The following MAVS variants were observed in gnomAD, a reference collection of about 807,000 sequenced individuals.
MAVS encodes mitochondrial antiviral signaling protein.
In MAVS, 20 loss-of-function variants were observed where a neutral mutation model predicts 30.2. That is an observed-to-expected ratio of 0.66 (90% CI 0.47 to 0.96). MAVS has a LOEUF of 0.96. Among genes scored for constraint, MAVS ranks in the 40% least tolerant of loss-of-function variants. The pLI is 0.00. For synonymous variants in MAVS, 278 were observed against 293.9 expected, an observed-to-expected ratio of 0.95 and a Z score of 0.55; for missense variants, 624 against 701.1, an observed-to-expected ratio of 0.89 and a Z score of 1.24.
At chr20:3,854,840 C>T in intron 2 of MAVS, 99 bp downstream of exon 2, 5 of 708,484 alleles carry the variant, frequency 7.1e-6, no homozygotes, top group Non-Finnish European at 1.2e-5. Flanking sequence ...CCTGGGCTGG[C>T]TCCTTCCTTC....
rs2089924932 is a variant in MAVS, at chr20:3,868,306, AC to A, written c.*2161del. 1 of 152,300 alleles carries A rather than the reference AC, an allele frequency of 6.6e-6. No individual in the cohort carries two copies. Among genetic ancestry groups the A allele is most frequent in the Non-Finnish European group, 1.5e-5 (1 of 68,044 alleles). The allele number at this position is 152,300 out of a possible 1,614,324, so 9.4% of individuals were successfully genotyped here. A position where few individuals can be genotyped will look rare whatever the true frequency, so the allele number is the denominator to read the frequency against. ...GCACAGGTACTAGTTTTATTGTATT[AC>A]CGTTCCAGGGTAGCTTTGAAAAAAG... On this transcript the variant is annotated 3_prime_UTR_variant, in exon 7 of 7. Transcript: ENST00000428216.
At chr20:3,859,495 G>C (rs371216534) in intron 3 of MAVS, among the ~76,000 whole-genome samples, 118 of 129,436 alleles carry the variant, frequency 9.1e-4, no homozygotes, top group African/African-American at 3.4e-3. Context: ...ATGACAGAGT[G>C]AGACTCCGTC....
In MAVS at chr20:3,860,992, T is replaced by C. The variant is rs73610114; in HGVS notation, c.293-340T>C. 9.5e-4 allele frequency among the ~76,000 whole-genome samples: 128 copies of C among 135,436 alleles called. No homozygotes were observed. In the East Asian group the frequency reaches 0.012, roughly 12 times the overall value. 88.9% of individuals were successfully genotyped at this position (135,436 alleles called of 152,430 possible). Reference sequence around the variant, plus strand: ...GCCCAGCCCCTGATTCCTTCTTTTTTTTTCTTTCTTTTTTTTTTTAGACGG... The same window carrying C: ...GCCCAGCCCCTGATTCCTTCTTTTTCTTTCTTTCTTTTTTTTTTTAGACGG... On this transcript the variant is annotated intron_variant, in intron 3 of 6. Coordinates refer to ENST00000428216, the MANE Select transcript of MAVS (RefSeq NM_020746.5).
intron 2 of MAVS, among the ~76,000 whole-genome samples, chr20:3,856,963 G>C (rs142010482): frequency 6.6e-6 from 1 of 151,190 alleles, no homozygotes; most frequent in East Asian, 1.9e-4. Flanking sequence ...TTGAACTCAG[G>C]AGGCAGAGGT....
At chr20:3,851,569 C>G (rs1172776205) in intron 1 of MAVS, among the ~76,000 whole-genome samples, 3 of 150,634 alleles carry the variant, frequency 2.0e-5, no homozygotes, top group East Asian at 2.0e-4. Flanking sequence ...AAGCTGCTAT[C>G]TGAGCCGTTT....
rs536307598 is a variant in MAVS at position 3,874,462 on chromosome 20, A to T, written c.*8315A>T. 2 of 376,740 alleles carry T rather than the reference A, an allele frequency of 5.3e-6. No individual in the cohort carries two copies. The highest frequency in any genetic ancestry group is 2.1e-5 in the African/African-American group (1 of 48,370). The allele number at this position is 376,740 out of a possible 1,614,324, so 23.3% of individuals were successfully genotyped here. On this transcript the variant is annotated 3_prime_UTR_variant, in exon 7 of 7. Transcript: ENST00000428216. ...TCAGCCATGATTGCTTGTATTTGGC[A>T]GGGGTCAAAGGCAGGCAGGGACTGT...
intron 3 of MAVS, among the ~76,000 whole-genome samples, chr20:3,859,332 C>A (rs1487704530): frequency 2.6e-5 from 4 of 151,890 alleles, no homozygotes; most frequent in Non-Finnish European, 5.9e-5. Context: ...ATGGTGAAAC[C>A]CTGTCTGTAC....
chr20:3,862,213 G>A lies in MAVS; in HGVS notation c.466-41G>A, dbSNP rs757565005. Reference sequence around the variant, plus strand: ...CACAAGCTGCCCTTTGTGAGCTCTTGGGAGAGGCAACTGCCTTATTCATAT... The same window carrying A: ...CACAAGCTGCCCTTTGTGAGCTCTTAGGAGAGGCAACTGCCTTATTCATAT... On this transcript the variant is annotated intron_variant, in intron 4 of 6. Transcript: ENST00000428216. The A allele has an allele frequency of 2.4e-5, 38 of 1,599,472 alleles. No homozygotes were observed. The East Asian group carries it at 3.1e-4, about 13-fold the overall frequency.
intron 1 of MAVS, among the ~76,000 whole-genome samples, chr20:3,852,349 C>T (rs938472773): frequency 6.6e-6 from 1 of 152,098 alleles, no homozygotes; most frequent in Non-Finnish European, 1.5e-5. Flanking sequence ...AAGAAGCTGA[C>T]CTGAAGATCT....
chr20:3,859,485 A>G (rs73610113), intron 3 of MAVS, among the ~76,000 whole-genome samples: 20 of 142,042 alleles, frequency 1.4e-4, no homozygotes, highest in East Asian at 1.1e-3. Context: ...TCCAGCCTGG[A>G]TGACAGAGTG....
Position 3,865,530 on chromosome 20 carries a change from C to T in MAVS, c.1159-153C>T, listed in dbSNP as rs2089899390. Among the ~76,000 whole-genome samples the T allele has an allele frequency of 6.6e-6, 1 of 152,186 alleles. No individual in the cohort carries two copies. The highest frequency in any genetic ancestry group is 2.1e-4 in the South Asian group (1 of 4,832). On this transcript the variant is annotated intron_variant, in intron 6 of 6. Coordinates refer to ENST00000428216, the MANE Select transcript of MAVS (RefSeq NM_020746.5). The surrounding 1 kb of genome is among the most constrained non-coding windows in gnomAD (Gnocchi z 4.7). ...AGATTCTTGGTCCCCTCTACCCCCA[C>T]TGCTCCAAGAAAAGGTGGCCTAGGG...
chr20:3,865,972 C>T lies in MAVS; in HGVS notation c.1448C>T (p.Pro483Leu), dbSNP rs151301893. ...NPSIQLLEGN[P>L]GPPADPDGGP... is the part of the protein sequence containing the mutation. Reference sequence around the variant, plus strand: ...AGCATCCAGCTCCTGGAGGGCAACCCTGGGCCACCTGCGGACCCGGATGGC... The same window carrying T: ...AGCATCCAGCTCCTGGAGGGCAACCTTGGGCCACCTGCGGACCCGGATGGC... Residue 483 changes from proline to leucine, a missense_variant, in exon 7 of 7, where the codon CCT (proline) becomes CTT (leucine). By Grantham distance (98) the Pro-to-Leu change is moderately conservative. Coordinates refer to ENST00000428216, the MANE Select transcript of MAVS (RefSeq NM_020746.5). The surrounding 1 kb of genome is among the most constrained non-coding windows in gnomAD (Gnocchi z 4.7). The T allele has an allele frequency of 3.7e-6, 6 of 1,613,516 alleles. No individual in the cohort carries two copies. Among genetic ancestry groups the T allele is most frequent in the Non-Finnish European group, 5.1e-6 (6 of 1,180,014 alleles).
At chr20:3,864,924 G>A in intron 6 of MAVS, 136 bp downstream of exon 6, 2 of 1,059,724 alleles carry the variant, frequency 1.9e-6, no homozygotes, top group Non-Finnish European at 2.7e-6. Flanking sequence ...CTCCTTGAGG[G>A]CATACAGACA....
chr20:3,851,253 G>A (rs538719981), intron 1 of MAVS, among the ~76,000 whole-genome samples: 5 of 151,914 alleles, frequency 3.3e-5, no homozygotes, highest in African/African-American at 9.7e-5. Context: ...GCTTAAACCC[G>A]AGAAGCAGAG....
Position 3,864,363 on chromosome 20 carries a change from G to C in MAVS, c.733G>C (p.Gly245Arg), listed in dbSNP as rs2089888966. 6.2e-7 allele frequency: 1 copy of C among 1,614,008 alleles called. No homozygotes were observed. Among genetic ancestry groups the C allele is most frequent in the Admixed American group, 1.7e-5 (1 of 59,998 alleles). Reference sequence around the variant, plus strand: ...GGCAAGCCGCTTGCCTGGACCCACAGGGTCAGTTGTATCTACTGGCACCTC... The same window carrying C: ...GGCAAGCCGCTTGCCTGGACCCACACGGTCAGTTGTATCTACTGGCACCTC... The part of the protein sequence containing the change: ...PRASRLPGPT[G>R]SVVSTGTSFS... Residue 245 changes from glycine to arginine, a missense_variant, in exon 6 of 7, where the codon GGG (glycine) becomes CGG (arginine). Coordinates refer to ENST00000428216, the MANE Select transcript of MAVS (RefSeq NM_020746.5).
At chr20:3,856,353 AT>A (rs56232181) in intron 2 of MAVS, among the ~76,000 whole-genome samples, 59 of 101,410 alleles carry the variant, frequency 5.8e-4, no homozygotes, top group Middle Eastern at 8.6e-3. Flanking sequence ...TGCGCCCAGC[AT>A]TTTTTTTTTT....
chr20:3,862,724 T>G (rs1479420052), intron 5 of MAVS, among the ~76,000 whole-genome samples: 1 of 152,150 alleles, frequency 6.6e-6, no homozygotes, highest in Admixed American at 6.6e-5. Flanking sequence ...GAATTTCCTC[T>G]CAAGTACTCA....
chr20:3,864,910 G>C, intron 6 of MAVS, 122 bp downstream of exon 6: 5 of 1,229,048 alleles, frequency 4.1e-6, no homozygotes, highest in Non-Finnish European at 4.5e-6. Context: ...CTGCTCTGTG[G>C]CCTCTCCTTG....
At chr20:3,857,500 T>A in intron 2 of MAVS, 135 bp from the exon 3 acceptor site, 3 of 1,010,320 alleles carry the variant, frequency 3.0e-6, no homozygotes, top group Admixed American at 2.6e-5. Context: ...TGTCCTGGGC[T>A]CCGATCCAGT....
Sources: gnomAD v4.1 joint callset for allele counts (sites outside exome capture counted in the v4.1 genomes callset) on GRCh38, gnomAD v4.1.1 for gene constraint, Gnocchi (gnomAD v3.1) non-coding constraint, MANE v1.5 for transcripts, NCBI Gene and HGNC (gene_info 2026-07-23, HGNC 2026-07-21) for gene names.